The following SACM1L variants were observed in gnomAD, a reference collection of about 807,000 sequenced individuals.
SACM1L encodes the protein SAC1 like phosphatidylinositide phosphatase.
In SACM1L, 32 loss-of-function variants were observed where a neutral mutation model predicts 89.5. The observed-to-expected ratio is 0.36, with a 90% CI of 0.27 to 0.48. The LOEUF (loss-of-function observed/expected upper bound fraction) is 0.48. Among genes scored for constraint, SACM1L ranks in the 20% least tolerant of loss-of-function variants. The probability of loss-of-function intolerance (pLI) is 0.99; values close to 1 mark genes in which losing one functional copy is unlikely to be tolerated. For synonymous variants in SACM1L, 213 were observed against 232.8 expected (o/e 0.92, Z 0.77); for missense variants, 543 against 708.5 (o/e 0.77, Z 2.65).
chr3:45,712,491 C>T (rs369900105), intron 5 of SACM1L, among the ~76,000 whole-genome samples: 2 of 152,320 alleles, frequency 1.3e-5, no homozygotes, highest in Middle Eastern at 3.4e-3. Context: ...CTGCCTTGGC[C>T]TCTCAAAGTG....
intron 5 of SACM1L, among the ~76,000 whole-genome samples, chr3:45,711,638 A>C (rs1283906823): frequency 6.6e-6 from 1 of 152,206 alleles, no homozygotes; most frequent in Admixed American, 6.5e-5. Flanking sequence ...TAATGTTAAC[A>C]TAGGGAATCA....
chr3:45,738,264 C>T (rs1233265686), intron 16 of SACM1L, among the ~76,000 whole-genome samples: 1 of 152,168 alleles, frequency 6.6e-6, no homozygotes, highest in East Asian at 1.9e-4. Context: ...TCCCTGGGAG[C>T]AGAATAAGAT....
chr3:45,732,295 C>A lies in SACM1L; in HGVS notation c.1100+144C>A, dbSNP rs113366539. The A allele has an allele frequency of 2.1e-3, 861 of 414,338 alleles. 8 individuals carry two copies. The highest frequency in any genetic ancestry group is 0.016 in the African/African-American group (774 of 48,610). The allele number at this position is 414,338 out of a possible 1,614,324, so 25.7% of individuals were successfully genotyped here. ...TGTACTATTTTATTATTTTTAATTT[C>A]TTTACTGGAAAGATGAGACTTGGTG... On this transcript the variant is annotated intron_variant, in intron 13 of 19. Transcript: ENST00000389061.
At chr3:45,731,426 C>T (rs762808306) in intron 12 of SACM1L, 46 bp downstream of exon 12, 1 of 1,287,038 alleles carries the variant, frequency 7.8e-7, no homozygotes, top group South Asian at 1.2e-5. Context: ...ATCAGATGTG[C>T]ACTTACATAT....
chr3:45,693,022 A>T (rs1414416729), intron 1 of SACM1L, among the ~76,000 whole-genome samples: 1 of 152,254 alleles, frequency 6.6e-6, no homozygotes, highest in South Asian at 2.1e-4. Flanking sequence ...TAGATGGTAC[A>T]GCCTACTACA....
chr3:45,739,909 C>A, intron 19 of SACM1L: 1 of 498,844 alleles, frequency 2.0e-6, no homozygotes, highest in Admixed American at 3.5e-5. Context: ...AGACAGGTCT[C>A]AGTCAGTTTA....
chr3:45,704,728 T>A (rs1698346516), intron 2 of SACM1L, among the ~76,000 whole-genome samples: 1 of 152,172 alleles, frequency 6.6e-6, no homozygotes, highest in African/African-American at 2.4e-5. Flanking sequence ...TCATGAATAG[T>A]TTGAATGTAA....
At chr3:45,717,359 G>A (rs76885585) in intron 7 of SACM1L, among the ~76,000 whole-genome samples, 2,757 of 152,300 alleles carry the variant, frequency 0.018, 69 homozygotes, top group African/African-American at 0.063. Flanking sequence ...TATAAATAGC[G>A]TAGTTTCATT....
chr3:45,719,543 T>C lies in SACM1L; in HGVS notation c.621T>C (p.Asp207=), dbSNP rs1378171538. The change falls in exon 8 of 20, where the codon GAT becomes GAC. Residue 207 remains aspartate (D), a synonymous_variant. Coordinates refer to ENST00000389061, the MANE Select transcript of SACM1L (RefSeq NM_014016.5). ...HSCSINGKYF[D]WILISRRSCF... ...GTTCTATTAATGGAAAATACTTTGATTGGATTCTCATCTCGAGGAGGAGCT... is the reference window on the plus strand; with the variant it reads ...GTTCTATTAATGGAAAATACTTTGACTGGATTCTCATCTCGAGGAGGAGCT... 3 of 1,612,478 alleles carry C rather than the reference T, an allele frequency of 1.9e-6. No homozygotes were observed. Among genetic ancestry groups the C allele is most frequent in the Non-Finnish European group, 2.5e-6 (3 of 1,179,174 alleles).
At chr3:45,739,521 A>C in intron 18 of SACM1L, 66 bp from the exon 19 acceptor site, 1 of 1,418,072 alleles carries the variant, frequency 7.1e-7, no homozygotes, top group Non-Finnish European at 1.0e-6. Flanking sequence ...CAATGCATGC[A>C]CAACTGATTT....
intron 16 of SACM1L, 26 bp from the exon 17 acceptor site, chr3:45,738,552 A>T: frequency 7.1e-7 from 1 of 1,411,906 alleles, no homozygotes. Context: ...CAAACCTGTA[A>T]CTTAAAATTT....
At chr3:45,713,314 T>C in intron 6 of SACM1L, 118 bp downstream of exon 6, 1 of 779,184 alleles carries the variant, frequency 1.3e-6, no homozygotes, top group Non-Finnish European at 2.1e-6. Context: ...AATTTAACTG[T>C]TTATAACTTA....
At chr3:45,710,459 C>A (rs1698500137) in intron 5 of SACM1L, among the ~76,000 whole-genome samples, 1 of 148,288 alleles carries the variant, frequency 6.7e-6, no homozygotes, top group African/African-American at 2.5e-5. Flanking sequence ...TCCCAAAGTG[C>A]TGGGATTACA....
intron 7 of SACM1L, 65 bp downstream of exon 7, chr3:45,714,144 G>T: frequency 1.0e-6 from 1 of 959,100 alleles, no homozygotes; most frequent in Non-Finnish European, 1.5e-6. Flanking sequence ...TTATAAGGCA[G>T]ATTTAGAGAT....
In SACM1L at chr3:45,709,656, G is replaced by A; in HGVS notation, c.483+9G>A. 1 of 1,588,562 alleles carries A rather than the reference G, an allele frequency of 6.3e-7. No homozygotes were observed. Among genetic ancestry groups the A allele is most frequent in the East Asian group, 2.2e-5 (1 of 44,504 alleles). ...TGAGTCTCTTGGAAAGGGTAAGCTT[G>A]ATCTTCAATTATTTTTATTTTTAGG... is the stretch of plus-strand genomic sequence containing the variant. On this transcript the variant is annotated intron_variant, in intron 5 of 19. Transcript: ENST00000389061.
At chr3:45,725,298 A>G (rs1397378621) in intron 11 of SACM1L, among the ~76,000 whole-genome samples, 1 of 100,620 alleles carries the variant, frequency 9.9e-6, no homozygotes, top group African/African-American at 4.0e-5. Context: ...TCGTCTTAAT[A>G]ATATTGTTAG....
chr3:45,692,566 T>C (rs1698020752), intron 1 of SACM1L, among the ~76,000 whole-genome samples: 1 of 152,230 alleles, frequency 6.6e-6, no homozygotes. Context: ...CACCCTGGCC[T>C]CCCAAAGTGC....
intron 16 of SACM1L, 42 bp from the exon 17 acceptor site, chr3:45,738,536 A>T: frequency 8.6e-7 from 1 of 1,159,922 alleles, no homozygotes; most frequent in Non-Finnish European, 1.3e-6. Context: ...GTGAGAATTC[A>T]GTGTACAAAC....
chr3:45,735,672 C>T (rs770096655), intron 14 of SACM1L, among the ~76,000 whole-genome samples: 7 of 151,932 alleles, frequency 4.6e-5, no homozygotes, highest in South Asian at 2.1e-4. Context: ...TAAATAACAC[C>T]GTAGAGAATA....
Sources: allele counts gnomAD v4.1 joint callset (sites outside exome capture counted in the v4.1 genomes callset), GRCh38; gene constraint gnomAD v4.1.1; transcripts MANE v1.5; gene names NCBI Gene and HGNC (gene_info 2026-07-23, HGNC 2026-07-21).